NT5DC3: variants seen among roughly 807,000 people sequenced by gnomAD.
NT5DC3 encodes the protein 5'-nucleotidase domain containing 3, also known as 5'-nucleotidase domain-containing protein 3.
A neutral mutation model predicts 67.8 loss-of-function variants in NT5DC3; 42 were observed. The observed-to-expected ratio is 0.62, with a 90% CI of 0.48 to 0.80. The LOEUF is 0.80. Ranked by LOEUF, NT5DC3 falls within the 30% of genes least tolerant of loss-of-function variation. NT5DC3 has a pLI of 0.00. For missense variants in NT5DC3, 570 were observed against 696.4 expected, an observed-to-expected ratio of 0.82 and a Z score of 2.04; for synonymous variants, 237 against 255.6, an observed-to-expected ratio of 0.93 and a Z score of 0.69.
At chr12:103,810,007 T>C (rs1051851414) in intron 2 of NT5DC3, among the ~76,000 whole-genome samples, 26 of 152,166 alleles carry the variant, frequency 1.7e-4, no homozygotes, top group African/African-American at 6.0e-4. Flanking sequence ...CCTATCCTTT[T>C]GGAATTGCAA....
intron 1 of NT5DC3, among the ~76,000 whole-genome samples, chr12:103,833,321 CAA>C (rs1888009667): frequency 6.6e-6 from 1 of 152,186 alleles, no homozygotes; most frequent in Admixed American, 6.5e-5. Context: ...CCACATCTCT[CAA>C]AAGATTGTGA....
At chr12:103,762,080 T>C in the NT5DC3 span, among the ~76,000 whole-genome samples, 2 of 152,352 alleles carry the variant, frequency 1.3e-5, no homozygotes, top group South Asian at 2.1e-4. Flanking sequence ...CCTATCTCTT[T>C]GGGTTATTAT....
chr12:103,823,044 ATAAAG>A (rs1300610789), intron 1 of NT5DC3, among the ~76,000 whole-genome samples: 1 of 152,174 alleles, frequency 6.6e-6, no homozygotes, highest in Non-Finnish European at 1.5e-5. Flanking sequence ...AATTGTATTG[ATAAAG>A]TAAATCACAA....
intron 1 of NT5DC3, among the ~76,000 whole-genome samples, chr12:103,840,094 C>G (rs1358547582): frequency 6.6e-6 from 1 of 152,192 alleles, no homozygotes; most frequent in Non-Finnish European, 1.5e-5. Flanking sequence ...TAAATTCAGG[C>G]GTCACCTTGG....
In NT5DC3 at chr12:103,780,371, G is replaced by A. The variant is rs915054126; in HGVS notation, c.1330-7C>T. 1.2e-6 allele frequency: 2 copies of A among 1,612,918 alleles called. No homozygotes were observed. Among genetic ancestry groups the A allele is most frequent in the Non-Finnish European group, 1.7e-6 (2 of 1,178,928 alleles). On this transcript the variant is annotated splice_region_variant and splice_polypyrimidine_tract_variant and intron_variant, in intron 12 of 13. Coordinates refer to ENST00000392876, the MANE Select transcript of NT5DC3 (RefSeq NM_001031701.3). ...ACTCAGCATCTCTGTGAACCTGTAG[G>A]ACACAAGTCAATTATTACAACTGTT...
At chr12:103,815,149 T>C (rs764247217) in intron 1 of NT5DC3, 28 bp from the exon 2 acceptor site, 44 of 1,438,664 alleles carry the variant, frequency 3.1e-5, no homozygotes, top group Non-Finnish European at 3.2e-5. Context: ...AAATACATTA[T>C]ACTACATAAT....
At position 103,797,013 on chromosome 12, in the gene NT5DC3, T is replaced by C; in HGVS notation, c.634A>G (p.Met212Val). The C allele has an allele frequency of 1.9e-6, 3 of 1,614,160 alleles. No individual in the cohort carries two copies. The highest frequency in any genetic ancestry group is 2.5e-6 in the Non-Finnish European group (3 of 1,180,030). ...FYGKSSHGNTMKQFMDIFSLP... is the reference protein window; with the variant it reads ...FYGKSSHGNTVKQFMDIFSLP... ...GAGAAGATGTCCATGAACTGCTTCA[T>C]CGTGTTTCCATGAGAGCTCTGCAGA... Residue 212 changes from methionine (M) to valine (V), a missense_variant, in exon 6 of 14, where the codon ATG (methionine) becomes GTG (valine). Transcript: ENST00000392876.
intron 1 of NT5DC3, among the ~76,000 whole-genome samples, chr12:103,832,879 A>G (rs1887991845): frequency 3.3e-5 from 5 of 152,212 alleles, no homozygotes; most frequent in Admixed American, 2.6e-4. Flanking sequence ...CCCTGAAGTT[A>G]TATACAAAAT....
intron 4 of NT5DC3, chr12:103,802,038 G>GACCC (rs1886609373): frequency 6.6e-6 from 1 of 152,168 alleles, no homozygotes; most frequent in Non-Finnish European, 1.5e-5. Context: ...CAGGAAGCGT[G>GACCC]AGTGACTCGA....
chr12:103,819,749 CT>C (rs1427186972), intron 1 of NT5DC3: 1 of 152,212 alleles, frequency 6.6e-6, no homozygotes, highest in African/African-American at 2.4e-5. Flanking sequence ...TGTTTTGGTT[CT>C]GGTTTTTTGT....
chr12:103,837,368 G>C (rs1181032628), intron 1 of NT5DC3, among the ~76,000 whole-genome samples: 1 of 152,240 alleles, frequency 6.6e-6, no homozygotes, highest in African/African-American at 2.4e-5. Context: ...CCATGGTCTT[G>C]GGAATTAACA....
At chr12:103,787,194 A>ACTG (rs61129014) in intron 11 of NT5DC3, among the ~76,000 whole-genome samples, 57,339 of 150,866 alleles carry the variant, frequency 0.38, 11,956 homozygotes, top group East Asian at 0.88. Context: ...CTCTGAGTGA[A>ACTG]CTTATTTCCA....
Position 103,776,685 on chromosome 12 carries a change from AAAAC to A in NT5DC3, c.*1140_*1143del, listed in dbSNP as rs1313614497. ...AAAACAAAACAAAACAAAAAAAAAAAAAACAAACTACACAAACTCCCAAATAGTC... is the reference window on the plus strand; with the variant it reads ...AAAACAAAACAAAACAAAAAAAAAAAAAACTACACAAACTCCCAAATAGTC... On this transcript the variant is annotated 3_prime_UTR_variant, in exon 14 of 14. Transcript: ENST00000392876. 6.6e-6 allele frequency: 1 copy of A among 152,110 alleles called. No homozygotes were observed. Among genetic ancestry groups the A allele is most frequent in the East Asian group, 1.9e-4 (1 of 5,190 alleles). 9.4% of individuals were successfully genotyped at this position (152,110 alleles called of 1,614,324 possible).
chr12:103,817,052 G>A (rs10861108), intron 1 of NT5DC3, among the ~76,000 whole-genome samples: 113,101 of 137,352 alleles, frequency 0.82, 45,173 homozygotes, highest in Middle Eastern at 0.85. Context: ...AAAAAAAAAA[G>A]AAAGAAAGCT....
intron 4 of NT5DC3, among the ~76,000 whole-genome samples, chr12:103,800,114 T>C (rs1886501749): frequency 6.6e-6 from 1 of 152,228 alleles, no homozygotes; most frequent in Admixed American, 6.5e-5. Flanking sequence ...AACCACATGG[T>C]CCACAGTAAA....
rs757039411 is a variant in NT5DC3, at chr12:103,796,873, A to G, written c.753+21T>C. ...AGGCTGAAACAGACTCAGCACTGTA[A>G]TCTCTCACTGTGGATACAACCTTGA... On this transcript the variant is annotated intron_variant, in intron 6 of 13. Coordinates refer to ENST00000392876, the MANE Select transcript of NT5DC3 (RefSeq NM_001031701.3). 11 of 1,613,992 alleles carry G rather than the reference A, an allele frequency of 6.8e-6. 1 individual carries two copies. In the South Asian group the frequency reaches 1.1e-4, roughly 16 times the overall value.
the NT5DC3 span, chr12:103,746,718 G>C: frequency 6.2e-7 from 1 of 1,612,262 alleles, no homozygotes; most frequent in Non-Finnish European, 8.5e-7. Flanking sequence ...AGCCACCTTT[G>C]TGCACAGGTG....
chr12:103,785,357 G>T lies in NT5DC3; in HGVS notation c.1307C>A (p.Thr436Asn). The change falls in exon 12 of 14, where the codon ACT becomes AAT. Residue 436 changes from threonine to asparagine, a missense_variant. Around this residue, in one of 2 missense-constraint regions of NT5DC3, gnomAD observed 466 missense variants for 608.0 expected, o/e 0.77. Coordinates refer to ENST00000392876, the MANE Select transcript of NT5DC3 (RefSeq NM_001031701.3). ...IQTMTWLQTL[T>N]GLLEQMQVHR... ...AACCTGCATCTGTTCCAATAAGCCA[G>T]TCAAGGTCTGCAGCCAGGTCATGGT... 1.2e-6 allele frequency: 2 copies of T among 1,614,114 alleles called. No individual in the cohort carries two copies. The highest frequency in any genetic ancestry group is 1.7e-6 in the Non-Finnish European group (2 of 1,179,970).
At chr12:103,820,405 A>C (rs1887444355) in intron 1 of NT5DC3, among the ~76,000 whole-genome samples, 1 of 152,196 alleles carries the variant, frequency 6.6e-6, no homozygotes, top group Admixed American at 6.5e-5. Context: ...AAATTTTATC[A>C]TTACTGTTGA....
Sources: allele counts gnomAD v4.1 joint callset (sites outside exome capture counted in the v4.1 genomes callset), GRCh38; gene constraint gnomAD v4.1.1; regional missense constraint gnomAD v4.1.1; transcripts MANE v1.5; gene names NCBI Gene and HGNC (gene_info 2026-07-23, HGNC 2026-07-21).